STAB2: variants seen among roughly 807,000 people sequenced by gnomAD.
The protein encoded by STAB2 is stabilin 2.
Under a neutral mutation model 338.1 loss-of-function variants are expected in STAB2, and 288 were observed. The observed-to-expected ratio is 0.85, with a 90% CI of 0.77 to 0.94. The LOEUF is 0.94. STAB2 is among the 40% of genes least tolerant of loss of function. STAB2 has a pLI of 0.00. For missense variants in STAB2, 3,141 were observed against 3,210.1 expected (o/e 0.98, Z 0.52); for synonymous variants, 1,202 against 1,193.3 (o/e 1.01, Z -0.15).
intron 4 of STAB2, 90 bp from the exon 5 acceptor site, chr12:103,621,952 A>G: frequency 7.8e-6 from 10 of 1,282,866 alleles, no homozygotes; most frequent in Non-Finnish European, 1.1e-5. Flanking sequence ...AATATATTTG[A>G]AAAACAAATG....
At position 103,679,227 on chromosome 12, in the gene STAB2, G is replaced by A. The variant is rs1007202809; in HGVS notation, c.2805+1616G>A. 2.6e-5 allele frequency among the ~76,000 whole-genome samples: 4 copies of A among 152,094 alleles called. No individual in the cohort carries two copies. The South Asian group carries it at 8.3e-4, about 32-fold the overall frequency. ...CCCATGTCTACTAAAAATTAGTCGG[G>A]CATTGTGGTGCATGCCTGTAATCCC... On this transcript the variant is annotated intron_variant, in intron 25 of 68. Transcript: ENST00000388887.
intron 12 of STAB2, among the ~76,000 whole-genome samples, chr12:103,653,710 AGATGGATGGATG>A (rs61343465): frequency 1.6e-5 from 2 of 122,984 alleles, no homozygotes; most frequent in African/African-American, 3.3e-5. Context: ...ATGGATGGAT[AGATGGATGGATG>A]GATGGATGGA....
chr12:103,660,620 A>T, intron 16 of STAB2, 63 bp from the exon 17 acceptor site: 1 of 1,555,344 alleles, frequency 6.4e-7, no homozygotes, highest in African/African-American at 1.4e-5. Flanking sequence ...TGAGGACTTT[A>T]AGAACTCAGG....
chr12:103,692,836 A>C lies in STAB2; in HGVS notation c.3322A>C (p.Ile1108Leu). The C allele has an allele frequency of 6.2e-7, 1 of 1,613,678 alleles. No homozygotes were observed. The highest frequency in any genetic ancestry group is 8.5e-7 in the Non-Finnish European group (1 of 1,179,720). Residue 1108 changes from isoleucine (I) to leucine (L), a missense_variant, in exon 31 of 69, where the codon ATT (isoleucine) becomes CTT (leucine). Transcript: ENST00000388887. ...GAATATCACAATTGAAGGGGCCTCC[A>C]TTGTCGATGGGGACAACGCAGCCAC... ...DGNITIEGAS[I>L]VDGDNAATNG...
At position 103,758,300 on chromosome 12, in the gene STAB2, T is replaced by A; in HGVS notation, c.7107+11T>A. 4 of 1,612,552 alleles carry A rather than the reference T, an allele frequency of 2.5e-6. No individual in the cohort carries two copies. The highest frequency in any genetic ancestry group is 3.4e-6 in the Non-Finnish European group (4 of 1,180,010). On this transcript the variant is annotated intron_variant, in intron 64 of 68. Coordinates refer to ENST00000388887, the MANE Select transcript of STAB2 (RefSeq NM_017564.10). ...CTGGGGGAGAATGAGGTGAGTTGAG[T>A]CCCTGGTGCCTTTGCTTTAGACTAG...
At chr12:103,656,409 T>C (rs1030823323) in intron 15 of STAB2, among the ~76,000 whole-genome samples, 2 of 152,166 alleles carry the variant, frequency 1.3e-5, no homozygotes, top group Non-Finnish European at 2.9e-5. Context: ...CAAAGTGTAG[T>C]GTAGACAGAA....
rs34881989 is a variant in STAB2, at chr12:103,620,624, AACACACACACACAC to A, written c.417+88_417+101del. 7 of 842,434 alleles carry A rather than the reference AACACACACACACAC, an allele frequency of 8.3e-6. 1 individual carries two copies. The highest frequency in any genetic ancestry group is 7.1e-5 in the African/African-American group (4 of 56,400). The allele number at this position is 842,434 out of a possible 1,614,324, so 52.2% of individuals were successfully genotyped here. A position where few individuals can be genotyped will look rare whatever the true frequency, so the allele number is the denominator to read the frequency against. On this transcript the variant is annotated intron_variant, in intron 4 of 68. Transcript: ENST00000388887. ...TCTTCTTACCTGTTGATCCTCCTTA[AACACACACACACAC>A]ACACACACACACACACGTGCACACA...
intron 63 of STAB2, among the ~76,000 whole-genome samples, chr12:103,757,255 T>C (rs1207243941): frequency 6.6e-6 from 1 of 151,690 alleles, no homozygotes; most frequent in Non-Finnish European, 1.5e-5. Flanking sequence ...CACTGGCTAA[T>C]TTTTTAACTT....
chr12:103,733,182 G>T lies in STAB2; in HGVS notation c.5460G>T (p.Lys1820Asn). 6.2e-7 allele frequency: 1 copy of T among 1,613,866 alleles called. No homozygotes were observed. The highest frequency in any genetic ancestry group is 1.7e-4 in the Middle Eastern group (1 of 6,060). The stretch of plus-strand genomic sequence containing the variant: ...AGTTTCATGTGATACGAGATGCCAA[G>T]GTATTTAGTTTACATGCAGACATAA... ...YLKFHVIRDA[K>N]VLAVDLPTST... Residue 1820 changes from lysine (K) to asparagine (N), a missense_variant and splice_region_variant, in exon 51 of 69, where the codon AAG becomes AAT. Lys to Asn is a moderately conservative substitution (Grantham distance 94, BLOSUM62 0). Transcript: ENST00000388887.
chr12:103,724,877 A>G, intron 44 of STAB2, 98 bp from the exon 45 acceptor site: 1 of 1,560,632 alleles, frequency 6.4e-7, no homozygotes, highest in Non-Finnish European at 8.7e-7. Context: ...AGTGAGACAA[A>G]AAATGAATTC....
At chr12:103,706,064 A>G (rs1879323335) in intron 37 of STAB2, among the ~76,000 whole-genome samples, 1 of 152,112 alleles carries the variant, frequency 6.6e-6, no homozygotes, top group Admixed American at 6.5e-5. Context: ...TCACATTGTG[A>G]AGATAAGGTG....
At chr12:103,711,863 A>G (rs979143076) in intron 40 of STAB2, among the ~76,000 whole-genome samples, 2 of 152,192 alleles carry the variant, frequency 1.3e-5, no homozygotes, top group Non-Finnish European at 2.9e-5. Context: ...TGGCTTCATA[A>G]TGCTAACTCC....
At chr12:103,710,728 C>T (rs761674431) in intron 39 of STAB2, among the ~76,000 whole-genome samples, 10 of 152,160 alleles carry the variant, frequency 6.6e-5, no homozygotes, top group Admixed American at 3.3e-4. Context: ...AAATTCCCTC[C>T]GACACAAAAC....
At chr12:103,589,392 G>C (rs966915081) in intron 1 of STAB2, among the ~76,000 whole-genome samples, 1 of 152,118 alleles carries the variant, frequency 6.6e-6, no homozygotes, top group Non-Finnish European at 1.5e-5. Context: ...AAAATGTGTT[G>C]GTAATGTCTT....
chr12:103,682,172 A>C (rs1876973621), intron 25 of STAB2, among the ~76,000 whole-genome samples: 2 of 146,748 alleles, frequency 1.4e-5, no homozygotes, highest in African/African-American at 2.5e-5. Context: ...GGAAGATGGG[A>C]AAAGAGGGGG....
At chr12:103,637,995 A>G (rs1957576631) in intron 7 of STAB2, 21 bp from the exon 8 acceptor site, 4 of 1,599,432 alleles carry the variant, frequency 2.5e-6, no homozygotes, top group Admixed American at 1.7e-5. Context: ...ACTGCCTCTC[A>G]TTTTGCTGTT....
At position 103,645,674 on chromosome 12, in the gene STAB2, A is replaced by C. The variant is rs528606620; in HGVS notation, c.1041-3016A>C. Among the ~76,000 whole-genome samples the C allele has an allele frequency of 2.8e-4, 43 of 152,364 alleles. 1 individual carries two copies. The South Asian group carries it at 8.5e-3, about 30-fold the overall frequency. On this transcript the variant is annotated intron_variant, in intron 9 of 68. Transcript: ENST00000388887. ...TGCTTGCAGAGGAGGTTGACATTTA[A>C]GTAGGAAACTATTATTTGATTGTAT...
chr12:103,661,085 G>C lies in STAB2; in HGVS notation c.1869+322G>C, dbSNP rs75405064. On this transcript the variant is annotated intron_variant, in intron 17 of 68. Coordinates refer to ENST00000388887, the MANE Select transcript of STAB2 (RefSeq NM_017564.10). ...GTGTCCCCAAGAGGAAATTCAGGGGGCTGTGAGAGCACAGAACAGGAGGAG... is the reference window on the plus strand; with the variant it reads ...GTGTCCCCAAGAGGAAATTCAGGGGCCTGTGAGAGCACAGAACAGGAGGAG... Among the ~76,000 whole-genome samples, 715 of 152,210 alleles carry C rather than the reference G, an allele frequency of 4.7e-3. 3 individuals are homozygous for C. Among genetic ancestry groups the C allele is most frequent in the Non-Finnish European group, 8.2e-3 (561 of 68,014 alleles).
intron 5 of STAB2, among the ~76,000 whole-genome samples, chr12:103,627,418 A>T (rs1957397572): frequency 6.6e-6 from 1 of 152,230 alleles, no homozygotes; most frequent in Admixed American, 6.5e-5. Flanking sequence ...TCACAGGAGC[A>T]TACCATCCCT....
Sources: gnomAD v4.1 joint callset for allele counts (sites outside exome capture counted in the v4.1 genomes callset) on GRCh38, gnomAD v4.1.1 for gene constraint, MANE v1.5 for transcripts, NCBI Gene and HGNC (gene_info 2026-07-23, HGNC 2026-07-21) for gene names.